CREB5: variants seen among roughly 807,000 people sequenced by gnomAD.
The protein encoded by CREB5 is cyclic AMP-responsive element-binding protein 5.
A neutral mutation model predicts 57.1 loss-of-function variants in CREB5; 19 were observed. The ratio of observed to expected loss-of-function variants is 0.33; its 90% CI spans 0.23 to 0.49. CREB5 has a LOEUF of 0.49. Ranked by LOEUF, CREB5 falls within the 20% of genes least tolerant of loss-of-function variation. The pLI is 0.99. For missense variants in CREB5, 579 were observed against 671.6 expected (o/e 0.86, Z 1.52); for synonymous variants, 238 against 238.3 (o/e 1.00, Z 0.01).
chr7:28,402,898 T>C (rs993664378), intron 1 of CREB5, among the ~76,000 whole-genome samples: 2 of 152,168 alleles, frequency 1.3e-5, no homozygotes, highest in African/African-American at 4.8e-5. Flanking sequence ...ATCTACAGCA[T>C]GGGAGAAAAT....
At chr7:28,313,641 A>G (rs1785322615) in intron 1 of CREB5, among the ~76,000 whole-genome samples, 1 of 152,184 alleles carries the variant, frequency 6.6e-6, no homozygotes, top group South Asian at 2.1e-4. Flanking sequence ...CAACCAGTTC[A>G]GGGATTTCTG....
intron 5 of CREB5, among the ~76,000 whole-genome samples, chr7:28,638,008 A>G (rs1404518320): frequency 6.6e-6 from 1 of 152,058 alleles, no homozygotes; most frequent in Non-Finnish European, 1.5e-5. Flanking sequence ...CATCTTTGGG[A>G]ATCTTTATCA....
chr7:28,743,038 C>T (rs1804463116), intron 7 of CREB5, among the ~76,000 whole-genome samples: 2 of 152,190 alleles, frequency 1.3e-5, no homozygotes, highest in South Asian at 2.1e-4. Flanking sequence ...CCGGCGTCGG[C>T]CTTCCAAAGT....
chr7:28,777,837 A>C (rs902743129), intron 7 of CREB5, among the ~76,000 whole-genome samples: 1 of 152,224 alleles, frequency 6.6e-6, no homozygotes, highest in African/African-American at 2.4e-5. Flanking sequence ...AATGCCAAGA[A>C]AAGAAAAAAG....
intron 4 of CREB5, among the ~76,000 whole-genome samples, chr7:28,548,440 C>T (rs889683326): frequency 3.3e-5 from 5 of 152,064 alleles, no homozygotes; most frequent in South Asian, 2.1e-4. Flanking sequence ...AGAAAATGAC[C>T]GTTGTTAGTG....
intron 1 of CREB5, among the ~76,000 whole-genome samples, chr7:28,346,410 A>G (rs1786058769): frequency 6.6e-6 from 1 of 152,210 alleles, no homozygotes; most frequent in Admixed American, 6.5e-5. Flanking sequence ...TTACAATGGC[A>G]TTAATCCCAT....
At chr7:28,734,862 G>A (rs1016623305) in intron 7 of CREB5, among the ~76,000 whole-genome samples, 2 of 152,068 alleles carry the variant, frequency 1.3e-5, no homozygotes, top group Admixed American at 6.5e-5. Flanking sequence ...GTTGAAAGTT[G>A]TCTTAAATAT....
In CREB5 at chr7:28,494,945, A is replaced by C; in HGVS notation, c.115A>C (p.Lys39Gln). The C allele has an allele frequency of 6.2e-7, 1 of 1,609,218 alleles. No individual in the cohort carries two copies. The highest frequency in any genetic ancestry group is 2.2e-5 in the East Asian group (1 of 44,722). ...GGACCATCTGATGATTCATAGGCAC[A>C]AACATGAAATGACTTTGAAGTTTCC... ...TEDHLMIHRH[K>Q]HEMTLKFPSI... Residue 39 changes from lysine (K) to glutamine (Q), a missense_variant, in exon 3 of 11, where the codon AAA becomes CAA. Physicochemically the swap from Lys to Gln is moderately conservative, Grantham distance 53. Around this residue, in one of 3 missense-constraint regions of CREB5, gnomAD observed 459 missense variants for 515.7 expected, o/e 0.89. Transcript: ENST00000357727.
intron 7 of CREB5, among the ~76,000 whole-genome samples, chr7:28,785,286 C>T (rs1024151342): frequency 2.6e-5 from 4 of 152,156 alleles, no homozygotes; most frequent in Admixed American, 2.6e-4. Flanking sequence ...GAGGTGCTTG[C>T]GTTATAGGAT....
chr7:28,404,528 T>C (rs1404476644), intron 1 of CREB5, among the ~76,000 whole-genome samples: 1 of 152,176 alleles, frequency 6.6e-6, no homozygotes, highest in Non-Finnish European at 1.5e-5. Flanking sequence ...ACAGCAGACA[T>C]GCCGTGATCA....
chr7:28,313,606 C>T (rs1293663756), intron 1 of CREB5, among the ~76,000 whole-genome samples: 4 of 152,020 alleles, frequency 2.6e-5, no homozygotes, highest in African/African-American at 7.3e-5. Context: ...CAGTGTGTTT[C>T]GGGGATGGGA....
At chr7:28,396,508 AT>A (rs1032597881) in intron 1 of CREB5, among the ~76,000 whole-genome samples, 11 of 152,066 alleles carry the variant, frequency 7.2e-5, no homozygotes, top group Admixed American at 3.3e-4. Flanking sequence ...AATTAAACAT[AT>A]TTTTTCATAA....
At chr7:28,698,354 C>CAA (rs10611948) in intron 5 of CREB5, among the ~76,000 whole-genome samples, 7 of 122,738 alleles carry the variant, frequency 5.7e-5, no homozygotes, top group Admixed American at 8.4e-5. Context: ...CACTCCCCAC[C>CAA]AAAAAAAAAA....
At position 28,594,312 on chromosome 7, in the gene CREB5, A is replaced by G. The variant is rs187651703; in HGVS notation, c.464+23775A>G. Among the ~76,000 whole-genome samples the G allele has an allele frequency of 3.2e-3, 493 of 152,314 alleles. 1 individual carries two copies. The highest frequency in any genetic ancestry group is 5.2e-3 in the Admixed American group (79 of 15,298). On this transcript the variant is annotated intron_variant, in intron 5 of 10. Coordinates refer to ENST00000357727, the MANE Select transcript of CREB5 (RefSeq NM_182898.4). Reference sequence around the variant, plus strand: ...AGCTTCTGTTCTGTTATTGAGAGGGAGGAGTGGATTCAAACACTAGATGAA... The same window carrying G: ...AGCTTCTGTTCTGTTATTGAGAGGGGGGAGTGGATTCAAACACTAGATGAA...
intron 1 of CREB5, among the ~76,000 whole-genome samples, chr7:28,432,815 T>C (rs892574435): frequency 5.9e-5 from 9 of 152,126 alleles, no homozygotes; most frequent in Non-Finnish European, 1.2e-4. Context: ...TTGTAGAAAA[T>C]AAAAAAGAAG....
chr7:28,779,235 G>A (rs1806832538), intron 7 of CREB5: 1 of 152,136 alleles, frequency 6.6e-6, no homozygotes, highest in African/African-American at 2.4e-5. Context: ...AAGAGTAAAG[G>A]GTACTGTTTT....
In CREB5 at chr7:28,507,752, A is replaced by T; in HGVS notation, c.291+15A>T. On this transcript the variant is annotated intron_variant, in intron 4 of 10. Coordinates refer to ENST00000357727, the MANE Select transcript of CREB5 (RefSeq NM_182898.4). The stretch of plus-strand genomic sequence containing the variant: ...GCAGCAAGCGGGTAGGTTTGCTTGG[A>T]TGGCCGCCTTGAGAGGTGTCCTGCT... 1.9e-6 allele frequency: 3 copies of T among 1,590,190 alleles called. No individual in the cohort carries two copies. Among genetic ancestry groups the T allele is most frequent in the Non-Finnish European group, 1.7e-6 (2 of 1,162,158 alleles).
At chr7:28,571,507 T>C (rs988133578) in intron 5 of CREB5, among the ~76,000 whole-genome samples, 4 of 152,134 alleles carry the variant, frequency 2.6e-5, no homozygotes. Flanking sequence ...TTTATGCAAA[T>C]GGTCAATACT....
At chr7:28,732,324 C>T (rs1036611017) in intron 7 of CREB5, among the ~76,000 whole-genome samples, 1 of 152,136 alleles carries the variant, frequency 6.6e-6, no homozygotes, top group African/African-American at 2.4e-5. Context: ...TCACCCAGCC[C>T]AGCACGCGCA....
Sources: gnomAD v4.1 joint callset for allele counts (sites outside exome capture counted in the v4.1 genomes callset) on GRCh38, gnomAD v4.1.1 for gene constraint, gnomAD v4.1.1 regional missense constraint, MANE v1.5 for transcripts, NCBI Gene and HGNC (gene_info 2026-07-23, HGNC 2026-07-21) for gene names.